COL11A1: variants seen among roughly 807,000 people sequenced by gnomAD.
COL11A1 encodes the protein collagen type XI alpha 1 chain.
COL11A1 carries 74 observed loss-of-function variants against 265.2 expected under a neutral mutation model. The observed-to-expected ratio is 0.28, with a 90% CI of 0.23 to 0.34. The LOEUF (loss-of-function observed/expected upper bound fraction) is 0.34. Ranked by LOEUF, COL11A1 falls within the 10% of genes least tolerant of loss-of-function variation. COL11A1 has a pLI of 1.00. For missense variants in COL11A1, 2,165 were observed against 2,263.6 expected, an observed-to-expected ratio of 0.96 and a Z score of 0.88; for synonymous variants, 816 against 727.6, an observed-to-expected ratio of 1.12 and a Z score of -1.96.
intron 23 of COL11A1, among the ~76,000 whole-genome samples, 198 bp downstream of exon 23, chr1:103,002,230 T>C (rs549176515): frequency 3.3e-5 from 5 of 152,094 alleles, no homozygotes; most frequent in African/African-American, 1.2e-4. Context: ...ATTGAATGAG[T>C]CATTTTTCCC....
intron 28 of COL11A1, among the ~76,000 whole-genome samples, chr1:102,992,955 A>G (rs2101772676): frequency 6.6e-6 from 1 of 152,150 alleles, no homozygotes; most frequent in South Asian, 2.1e-4. Flanking sequence ...TTTCCTATGT[A>G]CAAAAAATGT....
At chr1:102,955,665 A>T (rs987317487) in intron 41 of COL11A1, among the ~76,000 whole-genome samples, 1 of 152,212 alleles carries the variant, frequency 6.6e-6, no homozygotes, top group South Asian at 2.1e-4. Flanking sequence ...GGGAAAATAT[A>T]TTTTCCCTAA....
In COL11A1 at chr1:102,998,315, G is replaced by T. The variant is rs753495125; in HGVS notation, c.2191C>A (p.Pro731Thr). 1 of 1,606,262 alleles carries T rather than the reference G, an allele frequency of 6.2e-7. No individual in the cohort carries two copies. The highest frequency in any genetic ancestry group is 2.2e-5 in the East Asian group (1 of 44,752). The stretch of plus-strand genomic sequence containing the variant: ...ACCAGGTAGCTGTTACTTACAGGAG[G>T]CCCATCAGCACCAGGAAGTCCAGCA... ...GLAGLPGADG[P>T]PGHPGKEGQS... Residue 731 changes from proline (P) to threonine (T), a missense_variant, in exon 25 of 67, where the codon CCT becomes ACT. Pro to Thr is a conservative substitution (Grantham distance 38). Coordinates refer to ENST00000370096, the MANE Select transcript of COL11A1 (RefSeq NM_001854.4).
At position 102,993,653 on chromosome 1, in the gene COL11A1, T is replaced by C. The variant is rs1007835996; in HGVS notation, c.2340+2211A>G. Among the ~76,000 whole-genome samples the C allele has an allele frequency of 3.9e-5, 6 of 152,046 alleles. 1 individual carries two copies. Among genetic ancestry groups the C allele is most frequent in the African/African-American group, 1.4e-4 (6 of 41,408 alleles). ...CCTGAGCTCAAGCAACTCTCCCTCCTTAGCCTCCCAAGTAGCTGGGACCAC... is the reference window on the plus strand; with the variant it reads ...CCTGAGCTCAAGCAACTCTCCCTCCCTAGCCTCCCAAGTAGCTGGGACCAC... On this transcript the variant is annotated intron_variant, in intron 28 of 66. Coordinates refer to ENST00000370096, the MANE Select transcript of COL11A1 (RefSeq NM_001854.4).
Position 103,031,080 on chromosome 1 carries a change from A to G in COL11A1, c.780+36T>C, listed in dbSNP as rs747028918. 4.3e-6 allele frequency: 7 copies of G among 1,612,028 alleles called. No individual in the cohort carries two copies. The African/African-American group carries it at 9.3e-5, about 22-fold the overall frequency. ...CTGCACTGCGATGTCCATATCACTGAAATACGAAGACCTTCTCTGGTCTTG... is the reference window on the plus strand; with the variant it reads ...CTGCACTGCGATGTCCATATCACTGGAATACGAAGACCTTCTCTGGTCTTG... On this transcript the variant is annotated intron_variant, in intron 5 of 66. Coordinates refer to ENST00000370096, the MANE Select transcript of COL11A1 (RefSeq NM_001854.4).
At chr1:102,931,198 T>C (rs1339521686) in intron 46 of COL11A1, among the ~76,000 whole-genome samples, 44 of 149,006 alleles carry the variant, frequency 3.0e-4, no homozygotes, top group Non-Finnish European at 5.3e-4. Flanking sequence ...GTGTCAATTT[T>C]GGATCTTTCC....
intron 35 of COL11A1, among the ~76,000 whole-genome samples, chr1:102,975,815 ACT>A (rs1662412307): frequency 1.3e-5 from 2 of 152,186 alleles, no homozygotes; most frequent in Admixed American, 1.3e-4. Context: ...AATAGAATTT[ACT>A]CTTTCTATTT....
Position 102,965,444 on chromosome 1 carries a change from C to CA in COL11A1, c.2916+42dup, listed in dbSNP as rs747921357. ...CAACTTAGGAAGGTTAAAATGTAAA[C>CA]AAAAAATAAATCTTGCTTGGGAAAT... On this transcript the variant is annotated intron_variant, in intron 38 of 66. Transcript: ENST00000370096. 5 of 1,571,676 alleles carry CA rather than the reference C, an allele frequency of 3.2e-6. No homozygotes were observed. In the East Asian group the frequency reaches 9.0e-5, roughly 28 times the overall value.
chr1:102,960,045 G>T (rs1660749525), intron 41 of COL11A1, among the ~76,000 whole-genome samples: 1 of 152,090 alleles, frequency 6.6e-6, no homozygotes, highest in African/African-American at 2.4e-5. Flanking sequence ...TTATTAAGTT[G>T]TTGTTGCTGC....
rs200793857 is a variant in COL11A1 at position 102,888,704 on chromosome 1, C to G, written c.4554+19G>C. 8.1e-6 allele frequency: 13 copies of G among 1,613,848 alleles called. No homozygotes were observed. The African/African-American group carries it at 1.6e-4, about 20-fold the overall frequency. On this transcript the variant is annotated intron_variant, in intron 61 of 66. Transcript: ENST00000370096. ...AGGTTTCAATGCAAAATTAAATTGT[C>G]AAAGGGAAAAGTACTTACAGTAGAG... is the stretch of plus-strand genomic sequence containing the variant.
intron 4 of COL11A1, among the ~76,000 whole-genome samples, chr1:103,070,983 T>A (rs1459217607): frequency 6.6e-6 from 1 of 151,980 alleles, no homozygotes; most frequent in South Asian, 2.1e-4. Context: ...AGTTTGCTAA[T>A]CTTACTTTTT....
At chr1:103,075,855 T>G (rs1671933380) in intron 3 of COL11A1, among the ~76,000 whole-genome samples, 1 of 152,036 alleles carries the variant, frequency 6.6e-6, no homozygotes, top group Admixed American at 6.6e-5. Context: ...CTTTGGTCTT[T>G]CCACTAGAAC....
chr1:103,097,069 GA>G (rs958392597), intron 1 of COL11A1, among the ~76,000 whole-genome samples: 24 of 151,928 alleles, frequency 1.6e-4, no homozygotes, highest in African/African-American at 5.3e-4. Flanking sequence ...GGCTATTCCA[GA>G]AAAAACAACA....
intron 1 of COL11A1, among the ~76,000 whole-genome samples, chr1:103,091,806 T>TTTCATA (rs1673345469): frequency 6.6e-6 from 1 of 152,158 alleles, no homozygotes; most frequent in East Asian, 1.9e-4. Flanking sequence ...AAACTGCGTA[T>TTTCATA]TTCATATTCA....
In COL11A1 at chr1:103,031,224, C is replaced by T; in HGVS notation, c.672G>A (p.Leu224=). The change falls in exon 5 of 67, where the codon TTG becomes TTA. Residue 224 remains leucine (L), a synonymous_variant. Transcript: ENST00000370096. ...ATGCTGCCTTGGGATCACCTGTGAT[C>T]AAAAACTGCTGAATGTCCCCCTGGG... The part of the protein sequence containing the change: ...EVFEGDIQQF[L]ITGDPKAAYD... 1 of 1,576,216 alleles carries T rather than the reference C, an allele frequency of 6.3e-7. No individual in the cohort carries two copies.
rs191066389 is a variant in COL11A1 at position 103,015,500 on chromosome 1, T to C, written c.1488+168A>G. On this transcript the variant is annotated intron_variant, in intron 12 of 66. Coordinates refer to ENST00000370096, the MANE Select transcript of COL11A1 (RefSeq NM_001854.4). Reference sequence around the variant, plus strand: ...TTTAATGCAGAGATTGATACCATAATTTTGTTTTGTAAAATTTCCCTGAAT... The same window carrying C: ...TTTAATGCAGAGATTGATACCATAACTTTGTTTTGTAAAATTTCCCTGAAT... Among the ~76,000 whole-genome samples, 5 of 152,138 alleles carry C rather than the reference T, an allele frequency of 3.3e-5. No individual in the cohort carries two copies. In the East Asian group the frequency reaches 9.7e-4, roughly 29 times the overall value.
intron 1 of COL11A1, among the ~76,000 whole-genome samples, chr1:103,087,990 A>G (rs1673012347): frequency 6.6e-6 from 1 of 152,114 alleles, no homozygotes; most frequent in Non-Finnish European, 1.5e-5. Context: ...TTAGGTCCTA[A>G]TATGTACTTT....
chr1:102,997,195 C>T, intron 25 of COL11A1, 71 bp from the exon 26 acceptor site: 1 of 1,319,092 alleles, frequency 7.6e-7, no homozygotes, highest in Non-Finnish European at 1.1e-6. Context: ...GAAAGTATTT[C>T]TTTTGTTATT....
At chr1:102,926,577 T>C (rs139872371) in intron 46 of COL11A1, among the ~76,000 whole-genome samples, 65 of 152,314 alleles carry the variant, frequency 4.3e-4, no homozygotes, top group African/African-American at 1.5e-3. Flanking sequence ...AGTTTCCTGA[T>C]TTACAGAAGT....
Sources: allele counts gnomAD v4.1 joint callset (sites outside exome capture counted in the v4.1 genomes callset), GRCh38; gene constraint gnomAD v4.1.1; transcripts MANE v1.5; gene names NCBI Gene and HGNC (gene_info 2026-07-23, HGNC 2026-07-21).